ZNF804B: variants seen among roughly 807,000 people sequenced by gnomAD.
ZNF804B encodes the protein zinc finger protein 804B.
In ZNF804B, 80 loss-of-function variants were observed where a neutral mutation model predicts 101.4. That is an observed-to-expected ratio of 0.79 (90% CI 0.66 to 0.95). ZNF804B has a LOEUF of 0.95. Among genes scored for constraint, ZNF804B ranks in the 40% least tolerant of loss-of-function variants. The probability of loss-of-function intolerance (pLI) is 0.00; values close to 1 mark genes in which losing one functional copy is unlikely to be tolerated. For synonymous variants in ZNF804B, 622 were observed against 558.8 expected (o/e 1.11, Z -1.59); for missense variants, 1,673 against 1,561.9 (o/e 1.07, Z -1.20).
At chr7:89,331,845 A>G (rs1584129751) in intron 3 of ZNF804B, among the ~76,000 whole-genome samples, 1 of 151,652 alleles carries the variant, frequency 6.6e-6, no homozygotes, top group East Asian at 1.9e-4. Flanking sequence ...CAATGATTTT[A>G]AAACATAAAT....
intron 2 of ZNF804B, among the ~76,000 whole-genome samples, chr7:89,229,722 T>G (rs6952635): frequency 0.71 from 108,181 of 152,088 alleles, 39,142 homozygotes; most frequent in African/African-American, 0.77. Flanking sequence ...GGATCTAACT[T>G]ATATCTATAG....
chr7:88,900,325 C>A lies in ZNF804B; in HGVS notation c.108+140241C>A, dbSNP rs75399688. ...ATGAACTATTCAGACCCCTTAAAAA[C>A]ATATTTAAATGGAATGAATAAAACT... On this transcript the variant is annotated intron_variant, in intron 1 of 3. Coordinates refer to ENST00000333190, the MANE Select transcript of ZNF804B (RefSeq NM_181646.5). Among the ~76,000 whole-genome samples, 370 of 151,764 alleles carry A rather than the reference C, an allele frequency of 2.4e-3. 2 individuals carry two copies. The highest frequency in any genetic ancestry group is 8.6e-3 in the African/African-American group (355 of 41,434).
At chr7:89,294,063 T>G (rs1203882533) in intron 2 of ZNF804B, among the ~76,000 whole-genome samples, 2 of 152,204 alleles carry the variant, frequency 1.3e-5, no homozygotes, top group African/African-American at 4.8e-5. Flanking sequence ...ACATTCTTTC[T>G]CTTCTTGGAG....
intron 1 of ZNF804B, among the ~76,000 whole-genome samples, chr7:89,020,588 T>C (rs1390692087): frequency 6.6e-6 from 1 of 152,190 alleles, no homozygotes; most frequent in Non-Finnish European, 1.5e-5. Flanking sequence ...GCTTTCTGGA[T>C]GTGGATATAC....
At chr7:88,765,021 A>G (rs1370646642) in intron 1 of ZNF804B, among the ~76,000 whole-genome samples, 1 of 151,998 alleles carries the variant, frequency 6.6e-6, no homozygotes, top group Non-Finnish European at 1.5e-5. Flanking sequence ...CCCCTAACTG[A>G]TTTCAATAAC....
chr7:88,783,603 C>G (rs990862706), intron 1 of ZNF804B, among the ~76,000 whole-genome samples: 1 of 152,144 alleles, frequency 6.6e-6, no homozygotes, highest in Non-Finnish European at 1.5e-5. Flanking sequence ...TGTTATACTA[C>G]TGTCTTCACT....
intron 2 of ZNF804B, among the ~76,000 whole-genome samples, chr7:89,281,403 C>T (rs982661451): frequency 7.9e-5 from 12 of 152,036 alleles, no homozygotes; most frequent in African/African-American, 2.4e-4. Flanking sequence ...TGCAGTAGAA[C>T]CCATAAGAAA....
rs148785225 is a variant in ZNF804B, at chr7:89,097,275, G to A, written c.109-120880G>A. ...TGCTGGCTCATTTCACAGGAAGCCC[G>A]AATTTACTTGTACATGGCTCACAGA... On this transcript the variant is annotated intron_variant, in intron 1 of 3. Coordinates refer to ENST00000333190, the MANE Select transcript of ZNF804B (RefSeq NM_181646.5). 1.9e-3 allele frequency among the ~76,000 whole-genome samples: 290 copies of A among 152,294 alleles called. 1 individual carries two copies. In the Middle Eastern group the frequency reaches 0.024, roughly 13 times the overall value.
intron 1 of ZNF804B, among the ~76,000 whole-genome samples, chr7:89,136,536 A>G (rs1418323945): frequency 6.6e-6 from 1 of 152,076 alleles, no homozygotes; most frequent in Non-Finnish European, 1.5e-5. Flanking sequence ...CCTTTCCCCC[A>G]GCTTTTAATA....
At chr7:88,946,927 C>G (rs1440561087) in intron 1 of ZNF804B, among the ~76,000 whole-genome samples, 3 of 151,978 alleles carry the variant, frequency 2.0e-5, no homozygotes, top group African/African-American at 7.2e-5. Flanking sequence ...CTCATCATCA[C>G]TTGTCATTAG....
intron 1 of ZNF804B, among the ~76,000 whole-genome samples, chr7:89,118,245 T>A (rs1790342138): frequency 6.6e-6 from 1 of 152,122 alleles, no homozygotes; most frequent in African/African-American, 2.4e-5. Context: ...AGTCTCAGAG[T>A]AGTTAAATAT....
chr7:89,024,731 G>A (rs982169701), intron 1 of ZNF804B, among the ~76,000 whole-genome samples: 1 of 148,894 alleles, frequency 6.7e-6, no homozygotes, highest in African/African-American at 2.5e-5. Context: ...AGAAGTCCTG[G>A]CTGATACCAC....
chr7:89,277,430 A>G (rs1367746914), intron 2 of ZNF804B, among the ~76,000 whole-genome samples: 1 of 129,890 alleles, frequency 7.7e-6, no homozygotes, highest in African/African-American at 2.9e-5. Context: ...TGCACCCACT[A>G]ACTTGTCATC....
chr7:88,839,355 G>A (rs554094292), intron 1 of ZNF804B, among the ~76,000 whole-genome samples: 24 of 151,658 alleles, frequency 1.6e-4, no homozygotes, highest in Non-Finnish European at 2.5e-4. Context: ...CCATAAATTC[G>A]TTATGTTATC....
intron 1 of ZNF804B, among the ~76,000 whole-genome samples, chr7:89,123,538 G>A (rs1790435336): frequency 6.6e-6 from 1 of 152,136 alleles, no homozygotes; most frequent in Non-Finnish European, 1.5e-5. Flanking sequence ...ACTGAGGATA[G>A]CAAGATGACT....
At chr7:89,016,871 A>T (rs1183536167) in intron 1 of ZNF804B, among the ~76,000 whole-genome samples, 2 of 152,214 alleles carry the variant, frequency 1.3e-5, no homozygotes, top group Non-Finnish European at 2.9e-5. Flanking sequence ...CAATTCTGTG[A>T]AGAAAGTCAT....
At chr7:88,969,504 G>A (rs1396674144) in intron 1 of ZNF804B, among the ~76,000 whole-genome samples, 3 of 151,602 alleles carry the variant, frequency 2.0e-5, no homozygotes, top group African/African-American at 7.3e-5. Context: ...TTGCCATTAG[G>A]CAACAATTCC....
At chr7:89,053,206 G>C (rs1323525352) in intron 1 of ZNF804B, among the ~76,000 whole-genome samples, 1 of 152,152 alleles carries the variant, frequency 6.6e-6, no homozygotes, top group East Asian at 1.9e-4. Context: ...GAATGAATAA[G>C]TGACATTACT....
chr7:88,972,492 G>A (rs1045870254), intron 1 of ZNF804B, among the ~76,000 whole-genome samples: 1 of 151,214 alleles, frequency 6.6e-6, no homozygotes, highest in East Asian at 2.0e-4. Context: ...TGTGTCCTAG[G>A]TGTACCTAGC....
Sources: gnomAD v4.1 joint callset for allele counts (sites outside exome capture counted in the v4.1 genomes callset) on GRCh38, gnomAD v4.1.1 for gene constraint, MANE v1.5 for transcripts, NCBI Gene and HGNC (gene_info 2026-07-23, HGNC 2026-07-21) for gene names.